The following ZNF423 variants were observed in gnomAD, a reference collection of about 807,000 sequenced individuals.
ZNF423 encodes zinc finger protein 423, also known as Ebf-associated zinc finger protein.
In ZNF423, 12 loss-of-function variants were observed where a neutral mutation model predicts 95.8. That is an observed-to-expected ratio of 0.13 (90% confidence interval 0.08 to 0.20). The LOEUF is 0.20. Among genes scored for constraint, ZNF423 ranks in the 10% least tolerant of loss-of-function variants. The probability of loss-of-function intolerance (pLI) is 1.00; values close to 1 mark genes in which losing one functional copy is unlikely to be tolerated. For synonymous variants in ZNF423, 749 were observed against 711.9 expected (o/e 1.05, Z -0.83); for missense variants, 1,316 against 1,737.1 (o/e 0.76, Z 4.31).
chr16:49,514,000 T>C (rs9936011), intron 7 of ZNF423, among the ~76,000 whole-genome samples: 62,384 of 151,502 alleles, frequency 0.41, 13,296 homozygotes, highest in African/African-American at 0.53. Context: ...GCAGTGGCCG[T>C]CTGTCCTGCT....
At chr16:49,525,247 GTCTATAA>G in intron 6 of ZNF423, 109 bp downstream of exon 6, 1 of 1,475,288 alleles carries the variant, frequency 6.8e-7, no homozygotes, top group Non-Finnish European at 9.2e-7. Context: ...CGGAGTCCTG[GTCTATAA>G]CAGGCCTGCC....
intron 2 of ZNF423, among the ~76,000 whole-genome samples, chr16:49,738,534 C>T (rs2033343005): frequency 6.6e-6 from 1 of 152,184 alleles, no homozygotes; most frequent in Non-Finnish European, 1.5e-5. Context: ...CACCTGAATG[C>T]ATGGCCACTA....
intron 1 of ZNF423, among the ~76,000 whole-genome samples, chr16:49,817,193 C>T (rs750991605): frequency 2.0e-5 from 3 of 152,296 alleles, no homozygotes; most frequent in East Asian, 1.9e-4. Flanking sequence ...GGCCACCTGA[C>T]GTCCTAGAGG....
intron 4 of ZNF423, among the ~76,000 whole-genome samples, chr16:49,628,566 T>TCC (rs1972390347): frequency 3.6e-5 from 5 of 140,192 alleles, no homozygotes; most frequent in East Asian, 4.4e-4. Context: ...TCCATCCATC[T>TCC]ATCTATCTAT....
intron 1 of ZNF423, among the ~76,000 whole-genome samples, chr16:49,836,572 C>A (rs919386397): frequency 6.6e-6 from 1 of 152,096 alleles, no homozygotes; most frequent in African/African-American, 2.4e-5. Context: ...TGACATGTGA[C>A]CTTGGACCTC....
intron 5 of ZNF423, among the ~76,000 whole-genome samples, chr16:49,541,405 T>C (rs1969241518): frequency 6.6e-6 from 1 of 152,208 alleles, no homozygotes. Flanking sequence ...AACCAGGTAG[T>C]AAACACAATG....
chr16:49,821,262 G>A (rs2034936176), intron 1 of ZNF423, among the ~76,000 whole-genome samples: 1 of 152,046 alleles, frequency 6.6e-6, no homozygotes, highest in South Asian at 2.1e-4. Context: ...TGGTGGGGCG[G>A]GGGCAGGGGC....
At chr16:49,606,790 G>C (rs932408537) in intron 5 of ZNF423, among the ~76,000 whole-genome samples, 1 of 152,182 alleles carries the variant, frequency 6.6e-6, no homozygotes, top group Non-Finnish European at 1.5e-5. Flanking sequence ...TCACTTATAT[G>C]TTCCTTTAAC....
chr16:49,560,939 G>A (rs1969996710), intron 5 of ZNF423, among the ~76,000 whole-genome samples: 1 of 152,278 alleles, frequency 6.6e-6, no homozygotes, highest in Admixed American at 6.5e-5. Context: ...CAGGGCAGGA[G>A]GCTGCTCTTT....
intron 5 of ZNF423, among the ~76,000 whole-genome samples, chr16:49,569,456 C>A (rs1056753176): frequency 1.3e-5 from 2 of 152,186 alleles, no homozygotes; most frequent in African/African-American, 4.8e-5. Flanking sequence ...GAAAAGAGAG[C>A]CGTTTTGGGG....
At chr16:49,778,220 C>A (rs981486157) in intron 2 of ZNF423, among the ~76,000 whole-genome samples, 2 of 152,092 alleles carry the variant, frequency 1.3e-5, no homozygotes, top group African/African-American at 4.8e-5. Flanking sequence ...TGTGTGTGCA[C>A]CTGCCTGCAC....
At chr16:49,758,873 G>A (rs921153114) in intron 2 of ZNF423, among the ~76,000 whole-genome samples, 4 of 152,208 alleles carry the variant, frequency 2.6e-5, no homozygotes, top group African/African-American at 7.2e-5. Context: ...GCAAGGGTGT[G>A]ATCACCATAA....
intron 3 of ZNF423, among the ~76,000 whole-genome samples, chr16:49,673,727 G>A (rs1001091205): frequency 3.9e-5 from 6 of 152,206 alleles, no homozygotes; most frequent in Non-Finnish European, 5.9e-5. Context: ...CTGCCCATGG[G>A]GGGCTACAAA....
intron 3 of ZNF423, among the ~76,000 whole-genome samples, chr16:49,668,436 G>C (rs2030644605): frequency 6.6e-6 from 1 of 152,170 alleles, no homozygotes; most frequent in Non-Finnish European, 1.5e-5. Flanking sequence ...GGATCTATTA[G>C]GTGAGCAGCA....
chr16:49,515,879 C>A (rs1391003575), intron 7 of ZNF423, among the ~76,000 whole-genome samples: 1 of 152,180 alleles, frequency 6.6e-6, no homozygotes, highest in East Asian at 1.9e-4. Flanking sequence ...GACAGCTGGG[C>A]TGGTGGGCAG....
rs755577102 is a variant in ZNF423 at position 49,638,246 on chromosome 16, C to T, written c.930G>A (p.Glu310=). 5.0e-6 allele frequency: 8 copies of T among 1,611,530 alleles called. No homozygotes were observed. The highest frequency in any genetic ancestry group is 6.8e-6 in the Non-Finnish European group (8 of 1,180,042). ...KADLQCIHCP[E]VFVDENTLLA... is the part of the protein sequence containing the mutation. ...GCAGTGTGTTCTCGTCGACGAAGAC[C>T]TCAGGGCAGTGAATGCACTGCAGGT... is the stretch of plus-strand genomic sequence containing the variant. Residue 310 remains glutamate, a synonymous_variant, in exon 4 of 8, where the codon GAG becomes GAA. Coordinates refer to ENST00000563137, the MANE Select transcript of ZNF423 (RefSeq NM_001379286.1). This position sits in a 1 kb window ranked among gnomAD's most constrained non-coding sequence, Gnocchi z 5.6.
At chr16:49,568,047 C>G (rs1970246890) in intron 5 of ZNF423, among the ~76,000 whole-genome samples, 1 of 152,118 alleles carries the variant, frequency 6.6e-6, no homozygotes, top group African/African-American at 2.4e-5. Flanking sequence ...TCAGGCCTGG[C>G]CAATTAGTGT....
intron 3 of ZNF423, among the ~76,000 whole-genome samples, chr16:49,646,809 C>T (rs761901220): frequency 1.2e-4 from 18 of 152,018 alleles, no homozygotes; most frequent in South Asian, 8.3e-4. Flanking sequence ...CCTGACCTTG[C>T]GATCCACCTG....
At chr16:49,759,340 G>A (rs2033784281) in intron 2 of ZNF423, among the ~76,000 whole-genome samples, 1 of 151,832 alleles carries the variant, frequency 6.6e-6, no homozygotes, top group Non-Finnish European at 1.5e-5. Context: ...CGGAGGTTGC[G>A]GTGAGCCAAG....
Sources: gnomAD v4.1 joint callset for allele counts (sites outside exome capture counted in the v4.1 genomes callset) on GRCh38, gnomAD v4.1.1 for gene constraint, Gnocchi (gnomAD v3.1) non-coding constraint, MANE v1.5 for transcripts, NCBI Gene and HGNC (gene_info 2026-07-23, HGNC 2026-07-21) for gene names.